The following FRMD5 variants were observed in gnomAD, a reference collection of about 807,000 sequenced individuals.
FRMD5 encodes the protein FERM domain-containing protein 5.
FRMD5 carries 20 observed loss-of-function variants against 69.0 expected under a neutral mutation model. The ratio of observed to expected loss-of-function variants is 0.29; its 90% CI spans 0.20 to 0.42. The LOEUF is 0.42. Among genes scored for constraint, FRMD5 ranks in the 10% least tolerant of loss-of-function variants. The probability of loss-of-function intolerance (pLI) is 1.00; values close to 1 mark genes in which losing one functional copy is unlikely to be tolerated. For synonymous variants in FRMD5, 271 were observed against 260.1 expected, an observed-to-expected ratio of 1.04 and a Z score of -0.40; for missense variants, 595 against 708.6, an observed-to-expected ratio of 0.84 and a Z score of 1.82.
At chr15:44,133,674 G>T (rs989025393) in intron 1 of FRMD5, among the ~76,000 whole-genome samples, 7 of 150,536 alleles carry the variant, frequency 4.7e-5, no homozygotes. Context: ...AATAAAGAAA[G>T]AAAAGATGCT....
chr15:43,890,103 C>T (rs1171217378), intron 8 of FRMD5, among the ~76,000 whole-genome samples: 1 of 152,142 alleles, frequency 6.6e-6, no homozygotes, highest in Non-Finnish European at 1.5e-5. Flanking sequence ...GTATTCCTTC[C>T]CTGTTTGATT....
intron 1 of FRMD5, among the ~76,000 whole-genome samples, chr15:44,190,943 T>A (rs1380792870): frequency 6.6e-6 from 1 of 152,196 alleles, no homozygotes; most frequent in Non-Finnish European, 1.5e-5. Flanking sequence ...GCTCAATACA[T>A]TTGTTCTCTC....
At chr15:44,016,331 A>G (rs562977171) in intron 1 of FRMD5, among the ~76,000 whole-genome samples, 11 of 152,344 alleles carry the variant, frequency 7.2e-5, no homozygotes, top group Non-Finnish European at 1.5e-4. Flanking sequence ...TAAGGTAGTT[A>G]ATATTTATAT....
At chr15:44,162,154 G>A (rs1349031550) in intron 1 of FRMD5, among the ~76,000 whole-genome samples, 3 of 151,918 alleles carry the variant, frequency 2.0e-5, no homozygotes, top group African/African-American at 7.2e-5. Context: ...TAGTACAGAT[G>A]GGGTTTTCAC....
chr15:44,137,834 C>T (rs1472119993), intron 1 of FRMD5, among the ~76,000 whole-genome samples: 1 of 152,004 alleles, frequency 6.6e-6, no homozygotes, highest in Non-Finnish European at 1.5e-5. Context: ...TAAGGTGTCT[C>T]ACTTAAGGCA....
chr15:43,874,531 T>TAAAACACAATGG, intron 13 of FRMD5, 69 bp from the exon 14 acceptor site: 1 of 1,150,598 alleles, frequency 8.7e-7, no homozygotes, highest in Non-Finnish European at 1.3e-6. Context: ...TAGCACCCAT[T>TAAAACACAATGG]GTGTTTTATT....
At chr15:43,889,436 T>C (rs979558312) in intron 8 of FRMD5, among the ~76,000 whole-genome samples, 1 of 152,106 alleles carries the variant, frequency 6.6e-6, no homozygotes, top group African/African-American at 2.4e-5. Context: ...ACAGATTACA[T>C]GGAACAGTCA....
chr15:44,179,065 G>C (rs1328359194), intron 1 of FRMD5, among the ~76,000 whole-genome samples: 1 of 151,816 alleles, frequency 6.6e-6, no homozygotes, highest in Non-Finnish European at 1.5e-5. Context: ...ATGTAGACTG[G>C]GATGTACCTT....
chr15:43,929,123 G>A (rs1032922882), intron 1 of FRMD5, among the ~76,000 whole-genome samples: 11 of 152,302 alleles, frequency 7.2e-5, no homozygotes, highest in African/African-American at 2.6e-4. Context: ...TCACTGTGCA[G>A]CTCTGAGGGT....
intron 13 of FRMD5, among the ~76,000 whole-genome samples, chr15:43,878,632 T>C (rs902720394): frequency 3.3e-5 from 5 of 152,192 alleles, no homozygotes; most frequent in Admixed American, 3.3e-4. Flanking sequence ...TTGCAGCATA[T>C]TGCTTGCTTG....
intron 8 of FRMD5, among the ~76,000 whole-genome samples, chr15:43,890,470 G>A (rs1365804469): frequency 2.6e-5 from 4 of 152,192 alleles, no homozygotes; most frequent in African/African-American, 7.2e-5. Context: ...CCCTCTAACA[G>A]GGACCTCACC....
intron 1 of FRMD5, among the ~76,000 whole-genome samples, chr15:44,047,761 C>A (rs1287905983): frequency 6.6e-6 from 1 of 152,202 alleles, no homozygotes; most frequent in Admixed American, 6.5e-5. Flanking sequence ...AACTACTAAT[C>A]TATTTTTTGT....
intron 1 of FRMD5, among the ~76,000 whole-genome samples, chr15:43,943,770 G>A (rs1649780146): frequency 6.6e-6 from 1 of 152,206 alleles, no homozygotes; most frequent in African/African-American, 2.4e-5. Context: ...GTCTCCAGAG[G>A]GAGAATGTCT....
At chr15:44,153,615 G>T (rs1039003666) in intron 1 of FRMD5, among the ~76,000 whole-genome samples, 1 of 152,190 alleles carries the variant, frequency 6.6e-6, no homozygotes, top group Admixed American at 6.5e-5. Context: ...GACTGTGGAG[G>T]TGGATGGTGG....
intron 1 of FRMD5, among the ~76,000 whole-genome samples, chr15:43,972,574 A>C (rs2090397848): frequency 6.6e-6 from 1 of 152,222 alleles, no homozygotes. Flanking sequence ...ATGCCAGGAT[A>C]CATGATGTAG....
intron 1 of FRMD5, among the ~76,000 whole-genome samples, chr15:44,129,780 TCA>T (rs1371215134): frequency 6.6e-6 from 1 of 152,140 alleles, no homozygotes; most frequent in Non-Finnish European, 1.5e-5. Context: ...TCTCCAATTT[TCA>T]CAGTCATTTT....
intron 1 of FRMD5, among the ~76,000 whole-genome samples, chr15:44,083,964 T>C (rs1436343796): frequency 6.6e-6 from 1 of 152,030 alleles, no homozygotes; most frequent in South Asian, 2.1e-4. Context: ...TAATAATACA[T>C]TAAGGATGTG....
At chr15:44,071,235 C>T (rs1274047508) in intron 1 of FRMD5, among the ~76,000 whole-genome samples, 1 of 152,080 alleles carries the variant, frequency 6.6e-6, no homozygotes, top group Non-Finnish European at 1.5e-5. Flanking sequence ...CTGAGTACAC[C>T]CTAGCTGGTT....
chr15:43,916,592 A>T (rs2089391849), intron 4 of FRMD5, among the ~76,000 whole-genome samples: 1 of 152,186 alleles, frequency 6.6e-6, no homozygotes, highest in Admixed American at 6.5e-5. Context: ...CACTATCCCC[A>T]TTTTATAAAT....
Sources: allele counts gnomAD v4.1 joint callset (sites outside exome capture counted in the v4.1 genomes callset), GRCh38; gene constraint gnomAD v4.1.1; transcripts MANE v1.5; gene names NCBI Gene and HGNC (gene_info 2026-07-23, HGNC 2026-07-21).